NLGN4X: variants seen among roughly 807,000 people sequenced by gnomAD.
NLGN4X encodes the protein neuroligin-4, X-linked.
A neutral mutation model predicts 40.3 loss-of-function variants in NLGN4X; 3 were observed. The ratio of observed to expected loss-of-function variants is 0.07; its 90% CI spans 0.03 to 0.19. The LOEUF (loss-of-function observed/expected upper bound fraction) is 0.19. Ranked by LOEUF, NLGN4X falls within the 10% of genes least tolerant of loss-of-function variation. NLGN4X has a pLI of 1.00. For missense variants in NLGN4X, 382 were observed against 708.3 expected, an observed-to-expected ratio of 0.54 and a Z score of 5.23; for synonymous variants, 270 against 306.8, an observed-to-expected ratio of 0.88 and a Z score of 1.25.
At chrX:6,138,724 G>C (rs958441539) in intron 2 of NLGN4X, among the ~76,000 whole-genome samples, 1 of 111,063 alleles carries the variant, frequency 9.0e-6, no homozygotes, top group Admixed American at 9.6e-5. Flanking sequence ...AAAGGTTAAT[G>C]AACGGGAAAA....
intron 1 of NLGN4X, among the ~76,000 whole-genome samples, chrX:6,197,626 CATATCATTTGTA>C (rs1249393475): frequency 4.2e-4 from 46 of 110,322 alleles, no homozygotes; most frequent in African/African-American, 1.5e-3. Context: ...CTATGGTATT[CATATCATTTGTA>C]ATAATTTACA....
Position 5,903,550 on chromosome X carries a change from G to A in NLGN4X, c.1128C>T (p.Gly376=). ...CCACGATGCCGTCCACGAACTTCAG[G>A]CCTTCCCCTTGGTTGACGCCCAGCA... ...DIMLGVNQGE[G]LKFVDGIVDN... The change falls in exon 5 of 6, where the codon GGC becomes GGT. Residue 376 remains glycine (G), a synonymous_variant. Coordinates refer to ENST00000381095, the MANE Select transcript of NLGN4X (RefSeq NM_181332.3). 8.3e-7 allele frequency: 1 copy of A among 1,210,750 alleles called. No homozygotes were observed. Among genetic ancestry groups the A allele is most frequent in the Non-Finnish European group, 1.1e-6 (1 of 895,066 alleles).
chrX:6,180,579 G>A (rs1053827192), intron 1 of NLGN4X, among the ~76,000 whole-genome samples: 5 of 111,614 alleles, frequency 4.5e-5, no homozygotes, highest in African/African-American at 1.6e-4. Flanking sequence ...CCAGCCTCAG[G>A]TATTTTCTTA....
chrX:6,205,373 C>T (rs913596743), intron 1 of NLGN4X, among the ~76,000 whole-genome samples: 3 of 112,390 alleles, frequency 2.7e-5, no homozygotes, highest in South Asian at 3.7e-4. Flanking sequence ...TGCCAGTCAA[C>T]GGGCACTCAG....
At chrX:5,918,612 CTT>C (rs2032904074) in intron 3 of NLGN4X, among the ~76,000 whole-genome samples, 1 of 112,298 alleles carries the variant, frequency 8.9e-6, no homozygotes, top group Non-Finnish European at 1.9e-5. Flanking sequence ...TGGCTTGCCG[CTT>C]TAACCAAACT....
At chrX:5,925,911 T>C (rs1390914960) in intron 3 of NLGN4X, among the ~76,000 whole-genome samples, 7 of 45,481 alleles carry the variant, frequency 1.5e-4, no homozygotes, top group South Asian at 1.1e-3. Flanking sequence ...TATATATATA[T>C]ATATATATAT....
intron 2 of NLGN4X, among the ~76,000 whole-genome samples, chrX:6,145,408 T>C (rs2040025533): frequency 8.9e-6 from 1 of 112,428 alleles, no homozygotes; most frequent in Non-Finnish European, 1.9e-5. Context: ...CAGGTGTGTC[T>C]AAAGTCTAGC....
intron 2 of NLGN4X, among the ~76,000 whole-genome samples, chrX:6,103,204 T>G (rs2038957123): frequency 8.9e-6 from 1 of 111,985 alleles, no homozygotes; most frequent in South Asian, 3.7e-4. Context: ...CATAAAGTGC[T>G]TATCAGTGGA....
At chrX:6,222,103 T>G (rs1925765939) in intron 1 of NLGN4X, among the ~76,000 whole-genome samples, 1 of 111,639 alleles carries the variant, frequency 9.0e-6, no homozygotes, top group Non-Finnish European at 1.9e-5. Flanking sequence ...CCTTTTCAGC[T>G]TATATGACAG....
intron 2 of NLGN4X, among the ~76,000 whole-genome samples, chrX:6,122,440 T>C (rs767700787): frequency 9.1e-6 from 1 of 110,118 alleles, no homozygotes; most frequent in Non-Finnish European, 1.9e-5. Flanking sequence ...GGTTTCACCA[T>C]ATTGGTCAGG....
At chrX:6,165,811 G>A (rs760633191) in intron 1 of NLGN4X, among the ~76,000 whole-genome samples, 1 of 110,896 alleles carries the variant, frequency 9.0e-6, no homozygotes, top group South Asian at 3.8e-4. Flanking sequence ...TCCCACCCAG[G>A]TGTCTTTATT....
chrX:6,173,371 G>C (rs1348993952), intron 1 of NLGN4X, among the ~76,000 whole-genome samples: 3 of 111,509 alleles, frequency 2.7e-5, no homozygotes, highest in East Asian at 2.8e-4. Flanking sequence ...CATTCTCCCC[G>C]AAGGCTGGCC....
In NLGN4X at chrX:6,057,804, A is replaced by G. The variant is rs1416361521; in HGVS notation, c.473-28372T>C. 9.8e-5 allele frequency among the ~76,000 whole-genome samples: 11 copies of G among 111,900 alleles called. No individual in the cohort carries two copies. In the East Asian group the frequency reaches 3.1e-3, roughly 31 times the overall value. ...GATCTAGAAATAGACCATAAAAAAG[A>G]AGCCCTTGCTCCCAAATTAGTGAAA... On this transcript the variant is annotated intron_variant, in intron 2 of 5. Transcript: ENST00000381095.
intron 1 of NLGN4X, among the ~76,000 whole-genome samples, chrX:6,225,011 TACACACACACAC>T (rs1380311869): frequency 2.0e-5 from 1 of 49,542 alleles, no homozygotes; most frequent in Admixed American, 2.4e-4. Flanking sequence ...TATATATATA[TACACACACACAC>T]ACATATATGT....
intron 3 of NLGN4X, among the ~76,000 whole-genome samples, chrX:5,960,868 T>C (rs1367666512): frequency 1.8e-5 from 2 of 111,873 alleles, no homozygotes; most frequent in Non-Finnish European, 3.8e-5. Context: ...TTCGTGAATG[T>C]TATACTTCAC....
intron 3 of NLGN4X, among the ~76,000 whole-genome samples, chrX:5,981,448 G>GGCGT (rs151086781): frequency 9.5e-5 from 10 of 104,715 alleles, no homozygotes; most frequent in Non-Finnish European, 1.8e-4. Flanking sequence ...ACAAGAAATT[G>GGCGT]GTGTGTTTCA....
At chrX:6,083,708 C>T (rs944972159) in intron 2 of NLGN4X, among the ~76,000 whole-genome samples, 1 of 112,277 alleles carries the variant, frequency 8.9e-6, no homozygotes, top group African/African-American at 3.2e-5. Context: ...GAAGTAAAAT[C>T]CAACAGAGTT....
intron 2 of NLGN4X, among the ~76,000 whole-genome samples, chrX:6,128,872 T>C (rs2039618989): frequency 8.9e-6 from 1 of 112,258 alleles, no homozygotes; most frequent in African/African-American, 3.2e-5. Context: ...TGAACAACTA[T>C]ATATATATGC....
At chrX:5,905,498 A>G (rs2146743433) in intron 4 of NLGN4X, among the ~76,000 whole-genome samples, 1 of 112,078 alleles carries the variant, frequency 8.9e-6, no homozygotes, top group South Asian at 3.7e-4. Context: ...ATTATTATTG[A>G]GTAAATACAT....
Sources: allele counts gnomAD v4.1 joint callset (sites outside exome capture counted in the v4.1 genomes callset), GRCh38; gene constraint gnomAD v4.1.1; transcripts MANE v1.5; gene names NCBI Gene and HGNC (gene_info 2026-07-23, HGNC 2026-07-21).